Variants in RBFOX1 observed in about 807,000 individuals in gnomAD.
RBFOX1 encodes RNA binding fox-1 homolog 1.
Under a neutral mutation model 57.7 loss-of-function variants are expected in RBFOX1, and 8 were observed. The ratio of observed to expected loss-of-function variants is 0.14; its 90% confidence interval spans 0.08 to 0.25. RBFOX1 has a LOEUF of 0.25. Among genes scored for constraint, RBFOX1 ranks in the 10% least tolerant of loss-of-function variants. The probability of loss-of-function intolerance (pLI) is 1.00; values close to 1 mark genes in which losing one functional copy is unlikely to be tolerated. For synonymous variants in RBFOX1, 326 were observed against 222.4 expected (o/e 1.47, Z -4.15); for missense variants, 611 against 548.5 (o/e 1.11, Z -1.14).
rs558473208 is a variant in RBFOX1, at chr16:6,071,341, C to G, written c.-127+51349C>G. ...GTCTCCAAAACCAACAGGAAACAAA[C>G]AAAGAAACGGTAATGTAACCTTGAC... On this transcript the variant is annotated intron_variant, in intron 1 of 15. Transcript: ENST00000550418. Among the ~76,000 whole-genome samples the G allele has an allele frequency of 1.5e-3, 222 of 152,032 alleles. 1 individual carries two copies. The highest frequency in any genetic ancestry group is 4.5e-3 in the African/African-American group (188 of 41,450).
chr16:6,955,350 A>ACACACT (rs1314213445), intron 3 of RBFOX1, among the ~76,000 whole-genome samples: 1 of 99,584 alleles, frequency 1.0e-5, no homozygotes, highest in Non-Finnish European at 2.4e-5. Flanking sequence ...CCACATATGC[A>ACACACT]CACACACACA....
chr16:6,622,428 A>C (rs2098246411), intron 2 of RBFOX1, among the ~76,000 whole-genome samples: 1 of 152,200 alleles, frequency 6.6e-6, no homozygotes, highest in African/African-American at 2.4e-5. Context: ...GTACAGTAAC[A>C]AGCTGTACAG....
At chr16:5,560,281 A>C (rs1306020869) in intron 2 of RBFOX1, among the ~76,000 whole-genome samples, 4 of 152,052 alleles carry the variant, frequency 2.6e-5, no homozygotes, top group African/African-American at 9.7e-5. Flanking sequence ...GGAAGCACTT[A>C]GTCACCTCCT....
At chr16:6,418,793 T>A (rs563314531) in intron 2 of RBFOX1, among the ~76,000 whole-genome samples, 24 of 152,134 alleles carry the variant, frequency 1.6e-4, no homozygotes, top group Non-Finnish European at 2.8e-4. Context: ...CCTCCCAATA[T>A]GCTGGGATTA....
chr16:7,261,554 C>G (rs1414298716), intron 4 of RBFOX1, among the ~76,000 whole-genome samples: 1 of 152,138 alleles, frequency 6.6e-6, no homozygotes, highest in Non-Finnish European at 1.5e-5. Context: ...GCTCTGAGCT[C>G]TTGCTTCTTC....
intron 2 of RBFOX1, among the ~76,000 whole-genome samples, chr16:6,393,447 A>T (rs1215777316): frequency 6.6e-6 from 1 of 152,320 alleles, no homozygotes; most frequent in East Asian, 1.9e-4. Context: ...AAACCTGCCC[A>T]GTCCCTATAA....
At chr16:6,404,559 G>A (rs2093204556) in intron 2 of RBFOX1, among the ~76,000 whole-genome samples, 1 of 152,220 alleles carries the variant, frequency 6.6e-6, no homozygotes, top group Non-Finnish European at 1.5e-5. Flanking sequence ...ATGCCAGAGT[G>A]AGTTATTAGT....
chr16:6,916,389 T>C (rs2073163542), intron 3 of RBFOX1, among the ~76,000 whole-genome samples: 1 of 152,190 alleles, frequency 6.6e-6, no homozygotes, highest in African/African-American at 2.4e-5. Context: ...GGTTTGGATG[T>C]AGGTTTTCAT....
intron 4 of RBFOX1, among the ~76,000 whole-genome samples, chr16:7,336,273 G>A (rs533362532): frequency 2.0e-4 from 30 of 152,332 alleles, no homozygotes; most frequent in African/African-American, 7.2e-4. Context: ...TTTGGTTAGT[G>A]TTTGGGTCTA....
chr16:7,602,007 A>G (rs183070252), intron 9 of RBFOX1, among the ~76,000 whole-genome samples: 1 of 152,258 alleles, frequency 6.6e-6, no homozygotes, highest in East Asian at 1.9e-4. Context: ...TCCTTAGTAT[A>G]TGTCTTTAGA....
chr16:5,297,564 C>G (rs994799613), intron 1 of RBFOX1, among the ~76,000 whole-genome samples: 1 of 152,056 alleles, frequency 6.6e-6, no homozygotes, highest in Non-Finnish European at 1.5e-5. Flanking sequence ...CTACTTAGAT[C>G]TTTTGCTCAT....
At chr16:6,431,913 C>CT (rs926445254) in intron 2 of RBFOX1, among the ~76,000 whole-genome samples, 8 of 136,962 alleles carry the variant, frequency 5.8e-5, no homozygotes, top group Non-Finnish European at 1.1e-4. Context: ...TTCTTTCTTT[C>CT]TTTCTTTCTT....
intron 1 of RBFOX1, among the ~76,000 whole-genome samples, chr16:5,349,780 G>A (rs1050647356): frequency 1.3e-5 from 2 of 152,220 alleles, no homozygotes; most frequent in African/African-American, 4.8e-5. Context: ...ATTTGGCGGG[G>A]ACCACAGGAG....
At chr16:7,165,656 C>T (rs895488090) in intron 4 of RBFOX1, among the ~76,000 whole-genome samples, 2 of 151,494 alleles carry the variant, frequency 1.3e-5, no homozygotes, top group Non-Finnish European at 2.9e-5. Context: ...CTCAAACTCC[C>T]GATCTCAGGT....
chr16:6,391,590 G>C (rs1567178695), intron 2 of RBFOX1, among the ~76,000 whole-genome samples: 1 of 152,082 alleles, frequency 6.6e-6, no homozygotes, highest in South Asian at 2.1e-4. Context: ...AAGCAAATGG[G>C]TTGCAGGAAG....
chr16:6,449,215 G>C (rs1285906249), intron 2 of RBFOX1, among the ~76,000 whole-genome samples: 42 of 152,294 alleles, frequency 2.8e-4, no homozygotes, highest in South Asian at 6.2e-4. Context: ...AGCTTCCCTA[G>C]ATGGCTCTGT....
chr16:6,931,328 T>TCC (rs1356502448), intron 3 of RBFOX1, among the ~76,000 whole-genome samples: 181 of 120,404 alleles, frequency 1.5e-3, no homozygotes, highest in African/African-American at 6.6e-3. Context: ...TATCTATCTA[T>TCC]CTATCTATCT....
chr16:6,329,605 G>A (rs1444059166), intron 2 of RBFOX1, among the ~76,000 whole-genome samples: 2 of 152,146 alleles, frequency 1.3e-5, no homozygotes, highest in Non-Finnish European at 2.9e-5. Flanking sequence ...CTCAGCTAAT[G>A]TCTGGGTTAT....
At chr16:5,383,617 C>T (rs1039906684) in intron 1 of RBFOX1, among the ~76,000 whole-genome samples, 4 of 152,218 alleles carry the variant, frequency 2.6e-5, no homozygotes, top group African/African-American at 9.6e-5. Context: ...CTAGGATCAA[C>T]TGAGCAGGTG....
Sources: allele counts gnomAD v4.1 joint callset (sites outside exome capture counted in the v4.1 genomes callset), GRCh38; gene constraint gnomAD v4.1.1; transcripts MANE v1.5; gene names NCBI Gene and HGNC (gene_info 2026-07-23, HGNC 2026-07-21).